The following KIF13B variants were observed in gnomAD, a reference collection of about 807,000 sequenced individuals.
KIF13B encodes kinesin family member 13B.
In KIF13B, 127 loss-of-function variants were observed where a neutral mutation model predicts 222.0. The observed-to-expected ratio is 0.57, with a 90% confidence interval of 0.50 to 0.66. The LOEUF (loss-of-function observed/expected upper bound fraction) is 0.66. Among genes scored for constraint, KIF13B ranks in the 30% least tolerant of loss-of-function variants. The pLI is 0.00. For synonymous variants in KIF13B, 976 were observed against 919.0 expected, an observed-to-expected ratio of 1.06 and a Z score of -1.12; for missense variants, 2,173 against 2,379.0, an observed-to-expected ratio of 0.91 and a Z score of 1.80.
At chr8:29,072,358 T>G (rs1807338634) in intron 38 of KIF13B, 42 bp from the exon 39 acceptor site, 2 of 1,317,048 alleles carry the variant, frequency 1.5e-6, no homozygotes. Context: ...ACAGAAAACT[T>G]TCCAACACGA....
At chr8:29,175,474 G>A (rs564074277) in intron 10 of KIF13B, among the ~76,000 whole-genome samples, 2 of 152,198 alleles carry the variant, frequency 1.3e-5, no homozygotes, top group South Asian at 4.2e-4. Flanking sequence ...TCCTACCACC[G>A]CACATTGGCT....
intron 1 of KIF13B, among the ~76,000 whole-genome samples, chr8:29,252,991 T>C (rs998935376): frequency 6.6e-6 from 1 of 152,158 alleles, no homozygotes; most frequent in Non-Finnish European, 1.5e-5. Flanking sequence ...AAATAAAAGA[T>C]TAAAATACAA....
rs148491066 is a variant in KIF13B, at chr8:29,168,205, G to A, written c.946-620C>T. 6.7e-3 allele frequency among the ~76,000 whole-genome samples: 1,022 copies of A among 152,300 alleles called. 9 individuals are homozygous for A. Among genetic ancestry groups the A allele is most frequent in the Non-Finnish European group, 0.012 (798 of 68,032 alleles). On this transcript the variant is annotated intron_variant, in intron 10 of 39. Coordinates refer to ENST00000524189, the MANE Select transcript of KIF13B (RefSeq NM_015254.4). ...CAAGTTCTACAGAAGCACTTCCACC[G>A]TTCAGACAATGGTCCTGAGAAGAGA...
At chr8:29,197,890 T>G (rs1281386295) in intron 2 of KIF13B, among the ~76,000 whole-genome samples, 1 of 152,176 alleles carries the variant, frequency 6.6e-6, no homozygotes, top group African/African-American at 2.4e-5. Context: ...GGAAAGTACT[T>G]TTGAAACTGG....
At chr8:29,181,486 TCCTA>T (rs1355950292) in intron 7 of KIF13B, among the ~76,000 whole-genome samples, 2 of 152,184 alleles carry the variant, frequency 1.3e-5, no homozygotes, top group African/African-American at 4.8e-5. Context: ...CTGAACACAA[TCCTA>T]CCTGACACAC....
chr8:29,205,131 G>T (rs1399905502), intron 2 of KIF13B, among the ~76,000 whole-genome samples: 19 of 152,064 alleles, frequency 1.2e-4, no homozygotes, highest in Non-Finnish European at 2.8e-4. Flanking sequence ...GGAGGCTGTA[G>T]TGAGCTATGA....
intron 34 of KIF13B, among the ~76,000 whole-genome samples, chr8:29,109,202 G>T (rs1809238381): frequency 6.6e-6 from 1 of 152,206 alleles, no homozygotes; most frequent in Admixed American, 6.5e-5. Context: ...GTGGTGATCG[G>T]AAGATAAGAA....
chr8:29,105,675 T>TTC (rs1384185429), intron 35 of KIF13B, among the ~76,000 whole-genome samples: 6 of 131,234 alleles, frequency 4.6e-5, no homozygotes, highest in Non-Finnish European at 8.5e-5. Flanking sequence ...TTTTTTTTTT[T>TTC]TGAGACAGAG....
chr8:29,165,201 T>A (rs1225765096), intron 12 of KIF13B, among the ~76,000 whole-genome samples: 10 of 152,176 alleles, frequency 6.6e-5, no homozygotes, highest in Non-Finnish European at 1.5e-4. Flanking sequence ...TGAGAGACAG[T>A]CACCTCAGAT....
At chr8:29,202,286 C>T (rs1318847289) in intron 2 of KIF13B, among the ~76,000 whole-genome samples, 1 of 152,146 alleles carries the variant, frequency 6.6e-6, no homozygotes, top group Non-Finnish European at 1.5e-5. Context: ...GTAAGATATA[C>T]TGGGGAAGGT....
At chr8:29,162,829 T>C (rs547479966) in intron 12 of KIF13B, among the ~76,000 whole-genome samples, 12 of 152,238 alleles carry the variant, frequency 7.9e-5, no homozygotes, top group Non-Finnish European at 1.8e-4. Context: ...ACTGATATCA[T>C]CAAATATTGC....
intron 1 of KIF13B, among the ~76,000 whole-genome samples, chr8:29,259,456 T>C (rs947594638): frequency 7.9e-5 from 12 of 152,236 alleles, no homozygotes; most frequent in African/African-American, 2.9e-4. Flanking sequence ...CTTTTATAGA[T>C]ATTTACTTAT....
intron 2 of KIF13B, among the ~76,000 whole-genome samples, chr8:29,202,843 A>G (rs1451678305): frequency 2.6e-5 from 4 of 151,706 alleles, no homozygotes; most frequent in East Asian, 1.9e-4. Context: ...ATCTCCCCCA[A>G]CTCAGCTACG....
intron 6 of KIF13B, among the ~76,000 whole-genome samples, chr8:29,183,168 G>GTTTTTTTT (rs58034349): frequency 2.5e-5 from 3 of 117,688 alleles, no homozygotes; most frequent in African/African-American, 6.3e-5. Context: ...CTTAAAGTTT[G>GTTTTTTTT]TTTTTTTTTT....
intron 33 of KIF13B, 49 bp downstream of exon 33, chr8:29,109,869 G>GCCT (rs772602115): frequency 4.4e-6 from 7 of 1,584,650 alleles, no homozygotes; most frequent in Non-Finnish European, 6.0e-6. Context: ...CACAGACTCA[G>GCCT]CCTGCATCAG....
chr8:29,257,483 C>G (rs1436723321), intron 1 of KIF13B, among the ~76,000 whole-genome samples: 1 of 152,148 alleles, frequency 6.6e-6, no homozygotes, highest in African/African-American at 2.4e-5. Context: ...CTTCCATTTT[C>G]AGCACTTAAG....
chr8:29,148,213 A>T (rs1266612253), intron 16 of KIF13B, among the ~76,000 whole-genome samples: 1 of 152,224 alleles, frequency 6.6e-6, no homozygotes, highest in Non-Finnish European at 1.5e-5. Flanking sequence ...ACAAAAAATT[A>T]AAATAAAATA....
At chr8:29,145,691 C>T (rs1223292332) in intron 18 of KIF13B, among the ~76,000 whole-genome samples, 2 of 151,678 alleles carry the variant, frequency 1.3e-5, no homozygotes, top group Non-Finnish European at 2.9e-5. Context: ...GCTGTGTTGA[C>T]TACCGCAGGC....
chr8:29,103,780 C>T (rs1222643817), intron 35 of KIF13B, among the ~76,000 whole-genome samples: 3 of 152,294 alleles, frequency 2.0e-5, no homozygotes, highest in Non-Finnish European at 4.4e-5. Flanking sequence ...AACCGAACCA[C>T]TTTCCTCTCG....
Sources: gnomAD v4.1 joint callset for allele counts (sites outside exome capture counted in the v4.1 genomes callset) on GRCh38, gnomAD v4.1.1 for gene constraint, MANE v1.5 for transcripts, NCBI Gene and HGNC (gene_info 2026-07-23, HGNC 2026-07-21) for gene names.